RGS21: variants seen among roughly 807,000 people sequenced by gnomAD.
The protein encoded by RGS21 is regulator of G protein signaling 21.
RGS21 carries 19 observed loss-of-function variants against 18.7 expected under a neutral mutation model. The observed-to-expected ratio is 1.01, with a 90% CI of 0.71 to 1.49. The LOEUF is 1.49. Among genes scored for constraint, RGS21 ranks in the 40% most tolerant of loss-of-function variants. RGS21 has a pLI of 0.00. For missense variants in RGS21, 194 were observed against 176.8 expected (o/e 1.10, Z -0.55); for synonymous variants, 56 against 57.8 (o/e 0.97, Z 0.14).
rs147158312 is a variant in RGS21, at chr1:192,320,691, T to C, written c.-61+3586T>C. Among the ~76,000 whole-genome samples the C allele has an allele frequency of 2.7e-3, 416 of 152,166 alleles. 13 individuals are homozygous for C. Among genetic ancestry groups the C allele is most frequent in the Admixed American group, 0.023 (352 of 15,240 alleles). On this transcript the variant is annotated intron_variant, in intron 1 of 4. Transcript: ENST00000417209. ...TGAACATGACTTTTATGATTTACTA[T>C]ATTATTAATTTAACTTCCTACTGCT...
chr1:192,360,269 T>A (rs912716771), intron 4 of RGS21, among the ~76,000 whole-genome samples: 1 of 152,112 alleles, frequency 6.6e-6, no homozygotes, highest in Non-Finnish European at 1.5e-5. Context: ...TCTGGCTAAA[T>A]AATTTGTAGT....
chr1:192,324,327 T>C lies in RGS21; in HGVS notation c.-61+7222T>C, dbSNP rs375555602. Among the ~76,000 whole-genome samples the C allele has an allele frequency of 1.0e-3, 152 of 152,212 alleles. 3 individuals are homozygous for C. Among genetic ancestry groups the C allele is most frequent in the African/African-American group, 3.4e-3 (142 of 41,566 alleles). On this transcript the variant is annotated intron_variant, in intron 1 of 4. Transcript: ENST00000417209. ...GTTTTCTCTTCAGTTTGATTACTGA[T>C]CTACATTAACATATAATTTTTCCTT...
At chr1:192,343,318 T>C (rs928297410) in intron 2 of RGS21, among the ~76,000 whole-genome samples, 1 of 152,058 alleles carries the variant, frequency 6.6e-6, no homozygotes, top group Admixed American at 6.6e-5. Context: ...TTTTAAATTA[T>C]GAGATGAATT....
intron 1 of RGS21, among the ~76,000 whole-genome samples, chr1:192,338,891 CAG>C (rs1477202439): frequency 6.6e-6 from 1 of 152,064 alleles, no homozygotes; most frequent in Non-Finnish European, 1.5e-5. Flanking sequence ...CTAAATCTAA[CAG>C]ATTTAACTAT....
intron 1 of RGS21, among the ~76,000 whole-genome samples, chr1:192,331,291 C>T (rs1316370004): frequency 2.0e-5 from 3 of 152,114 alleles, no homozygotes; most frequent in African/African-American, 7.2e-5. Context: ...TGGTGGCTCA[C>T]GCCTATAATC....
rs781271648 is a variant in RGS21 at position 192,367,132 on chromosome 1, T to C, written c.*1008T>C. 2.6e-5 allele frequency: 4 copies of C among 152,096 alleles called. No individual in the cohort carries two copies. Among genetic ancestry groups the C allele is most frequent in the Non-Finnish European group, 5.9e-5 (4 of 67,970 alleles). The allele number at this position is 152,096 out of a possible 1,614,324, so 9.4% of individuals were successfully genotyped here. A position where few individuals can be genotyped will look rare whatever the true frequency, so the allele number is the denominator to read the frequency against. On this transcript the variant is annotated 3_prime_UTR_variant, in exon 5 of 5. Coordinates refer to ENST00000417209, the MANE Select transcript of RGS21 (RefSeq NM_001039152.3). Reference sequence around the variant, plus strand: ...CATTTTCTTTGCACAGATTTATTTATCTGCATTGATATTTCTGCTTTTAGA... The same window carrying C: ...CATTTTCTTTGCACAGATTTATTTACCTGCATTGATATTTCTGCTTTTAGA...
rs145279642 is a variant in RGS21 at position 192,364,793 on chromosome 1, A to C, written c.256-1128A>C. 6.0e-4 allele frequency among the ~76,000 whole-genome samples: 92 copies of C among 152,232 alleles called. 1 individual carries two copies. In the East Asian group the frequency reaches 7.1e-3, roughly 12 times the overall value. ...GCTAGAAAATAGAATGATGAATAAG[A>C]CAGATACAGAACCCGCCTATGGTGA... On this transcript the variant is annotated intron_variant, in intron 4 of 4. Coordinates refer to ENST00000417209, the MANE Select transcript of RGS21 (RefSeq NM_001039152.3).
intron 4 of RGS21, among the ~76,000 whole-genome samples, 197 bp downstream of exon 4, chr1:192,352,410 A>C (rs1181453196): frequency 6.6e-6 from 1 of 151,996 alleles, no homozygotes; most frequent in East Asian, 1.9e-4. Flanking sequence ...TTCAACACTT[A>C]TTATGGGCTA....
In RGS21 at chr1:192,330,947, G is replaced by A. The variant is rs111792202; in HGVS notation, c.-60-12030G>A. On this transcript the variant is annotated intron_variant, in intron 1 of 4. Transcript: ENST00000417209. ...GGTAACCATGTGTATCTGTGCAATA[G>A]TTGGGAATGTGGCACTGAGATGTAT... is the stretch of plus-strand genomic sequence containing the variant. Among the ~76,000 whole-genome samples the A allele has an allele frequency of 5.1e-4, 77 of 152,316 alleles. 1 individual carries two copies. The highest frequency in any genetic ancestry group is 1.7e-3 in the African/African-American group (71 of 41,564).
At chr1:192,353,244 C>T (rs899553915) in intron 4 of RGS21, among the ~76,000 whole-genome samples, 2 of 151,850 alleles carry the variant, frequency 1.3e-5, no homozygotes, top group Non-Finnish European at 2.9e-5. Context: ...ACTAATAGTT[C>T]AAGTTTTAGA....
chr1:192,323,948 G>GA (rs76333190), intron 1 of RGS21, among the ~76,000 whole-genome samples: 5 of 151,440 alleles, frequency 3.3e-5, no homozygotes, highest in African/African-American at 4.9e-5. Context: ...TGTTTGTAAG[G>GA]AAAAAAAACC....
chr1:192,319,866 T>TTATTCAAC (rs1557972315), intron 1 of RGS21, among the ~76,000 whole-genome samples: 1 of 152,044 alleles, frequency 6.6e-6, no homozygotes, highest in Non-Finnish European at 1.5e-5. Context: ...TCTGATAAGA[T>TTATTCAAC]TATTCAACTC....
At chr1:192,330,514 T>C (rs1311718996) in intron 1 of RGS21, among the ~76,000 whole-genome samples, 1 of 152,126 alleles carries the variant, frequency 6.6e-6, no homozygotes, top group Non-Finnish European at 1.5e-5. Context: ...TCTTAAAAGG[T>C]TTACACAAAA....
At chr1:192,319,136 C>T (rs1048369983) in intron 1 of RGS21, among the ~76,000 whole-genome samples, 3 of 152,026 alleles carry the variant, frequency 2.0e-5, no homozygotes, top group African/African-American at 7.2e-5. Context: ...GTAATCCTAG[C>T]TACTTGGGAG....
At chr1:192,345,069 T>C (rs1658927393) in intron 2 of RGS21, among the ~76,000 whole-genome samples, 1 of 152,146 alleles carries the variant, frequency 6.6e-6, no homozygotes, top group African/African-American at 2.4e-5. Context: ...TTTCTCTTAC[T>C]GTTTCTCTAC....
At chr1:192,349,681 G>T (rs556388255) in intron 3 of RGS21, among the ~76,000 whole-genome samples, 55 of 152,224 alleles carry the variant, frequency 3.6e-4, no homozygotes, top group African/African-American at 1.3e-3. Flanking sequence ...TAGATAAGTA[G>T]CCCCAGGTTT....
chr1:192,354,195 G>A (rs1659081792), intron 4 of RGS21, among the ~76,000 whole-genome samples: 1 of 151,652 alleles, frequency 6.6e-6, no homozygotes, highest in Admixed American at 6.6e-5. Context: ...AAATTACCGA[G>A]TGAAAGAAGA....
intron 1 of RGS21, among the ~76,000 whole-genome samples, chr1:192,320,538 G>GTGTATT: frequency 6.6e-6 from 1 of 151,300 alleles, no homozygotes; most frequent in African/African-American, 2.4e-5. Flanking sequence ...GTATGTGTAT[G>GTGTATT]TGTATGTGTA....
chr1:192,337,006 C>T (rs1293972936), intron 1 of RGS21, among the ~76,000 whole-genome samples: 1 of 151,542 alleles, frequency 6.6e-6, no homozygotes, highest in African/African-American at 2.4e-5. Context: ...ATTAAATAAA[C>T]TTTAATTTAT....
Sources: gnomAD v4.1 joint callset for allele counts (sites outside exome capture counted in the v4.1 genomes callset) on GRCh38, gnomAD v4.1.1 for gene constraint, MANE v1.5 for transcripts, NCBI Gene and HGNC (gene_info 2026-07-23, HGNC 2026-07-21) for gene names.